MGAT4A: variants seen among roughly 807,000 people sequenced by gnomAD.
MGAT4A encodes alpha-1,3-mannosyl-glycoprotein 4-beta-N-acetylglucosaminyltransferase A.
In MGAT4A, 33 loss-of-function variants were observed where a neutral mutation model predicts 74.1. That is an observed-to-expected ratio of 0.45 (90% CI 0.34 to 0.60). The LOEUF is 0.60. MGAT4A is among the 20% of genes least tolerant of loss of function. The pLI is 0.02. For synonymous variants in MGAT4A, 198 were observed against 210.4 expected (o/e 0.94, Z 0.51); for missense variants, 479 against 628.3 (o/e 0.76, Z 2.54).
At chr2:98,706,233 T>C (rs1334566121) in intron 2 of MGAT4A, among the ~76,000 whole-genome samples, 1 of 152,118 alleles carries the variant, frequency 6.6e-6, no homozygotes, top group African/African-American at 2.4e-5. Context: ...CCAGTTTGGA[T>C]GAATTTGGAC....
At chr2:98,663,582 C>T in intron 4 of MGAT4A, 1 of 728,868 alleles carries the variant, frequency 1.4e-6, no homozygotes. Context: ...TTGTTCTTGC[C>T]AACAATGCAT....
intron 2 of MGAT4A, among the ~76,000 whole-genome samples, chr2:98,698,572 T>C (rs1008527135): frequency 2.0e-5 from 3 of 152,214 alleles, no homozygotes; most frequent in Non-Finnish European, 2.9e-5. Context: ...CTGTTACCCA[T>C]GCCTTTTCAT....
In MGAT4A at chr2:98,675,551, C is replaced by CTTT. The variant is rs143576109; in HGVS notation, c.263-379_263-377dup. Reference sequence around the variant, plus strand: ...ATTAACCATCAATCACTTCCATTTTCTTTTTTTTTTTTTGTGACAGGGTCT... The same window carrying CTTT: ...ATTAACCATCAATCACTTCCATTTTCTTTTTTTTTTTTTTTTGTGACAGGGTCT... On this transcript the variant is annotated intron_variant, in intron 3 of 15. Coordinates refer to ENST00000393487, the MANE Select transcript of MGAT4A (RefSeq NM_012214.3). Among the ~76,000 whole-genome samples, 346 of 144,162 alleles carry CTTT rather than the reference C, an allele frequency of 2.4e-3. 4 individuals are homozygous for CTTT. The highest frequency in any genetic ancestry group is 4.1e-3 in the Non-Finnish European group (270 of 65,812). 94.6% of individuals were successfully genotyped at this position (144,162 alleles called of 152,430 possible). A position where few individuals can be genotyped will look rare whatever the true frequency, so the allele number is the denominator to read the frequency against.
Position 98,726,575 on chromosome 2 carries a change from G to A in MGAT4A, c.-235-8C>T. 2.4e-6 allele frequency: 1 copy of A among 410,074 alleles called. No individual in the cohort carries two copies. Among genetic ancestry groups the A allele is most frequent in the Non-Finnish European group, 4.3e-6 (1 of 232,464 alleles). The allele number at this position is 410,074 out of a possible 1,614,324, so 25.4% of individuals were successfully genotyped here. ...CCTCGGCCTTTTCCCTTCCTATTCA[G>A]GGGAAAAGAGAAAGTCAAGCTCATT... is the stretch of plus-strand genomic sequence containing the variant. On this transcript the variant is annotated splice_polypyrimidine_tract_variant and splice_region_variant and intron_variant, in intron 1 of 15. Transcript: ENST00000393487.
chr2:98,640,420 G>A (rs191528708), intron 10 of MGAT4A, among the ~76,000 whole-genome samples, 192 bp from the exon 11 acceptor site: 86 of 152,212 alleles, frequency 5.7e-4, no homozygotes, highest in Non-Finnish European at 1.0e-3. Context: ...GACCAGTCTG[G>A]CCAACATGGT....
intron 2 of MGAT4A, among the ~76,000 whole-genome samples, chr2:98,703,375 A>AAAACTGAAC (rs1307644834): frequency 6.6e-6 from 1 of 152,176 alleles, no homozygotes; most frequent in African/African-American, 2.4e-5. Context: ...AAGATTGAGG[A>AAAACTGAAC]AAACTGAACA....
At chr2:98,701,450 A>C (rs1039382958) in intron 2 of MGAT4A, among the ~76,000 whole-genome samples, 1 of 152,186 alleles carries the variant, frequency 6.6e-6, no homozygotes, top group Non-Finnish European at 1.5e-5. Flanking sequence ...GTAATAACCC[A>C]ATGTTCTCAG....
intron 2 of MGAT4A, among the ~76,000 whole-genome samples, chr2:98,718,267 T>C (rs547881608): frequency 1.1e-4 from 17 of 152,222 alleles, no homozygotes; most frequent in Admixed American, 2.6e-4. Flanking sequence ...GTGCATCTAA[T>C]GGTGTATTAA....
At chr2:98,638,297 C>A (rs1701353728) in intron 12 of MGAT4A, among the ~76,000 whole-genome samples, 2 of 152,140 alleles carry the variant, frequency 1.3e-5, no homozygotes, top group African/African-American at 2.4e-5. Flanking sequence ...TCTATACTCT[C>A]TATATAGAAT....
intron 5 of MGAT4A, among the ~76,000 whole-genome samples, chr2:98,659,404 G>C (rs1701711144): frequency 6.6e-6 from 1 of 152,112 alleles, no homozygotes; most frequent in African/African-American, 2.4e-5. Context: ...AAGGACCCCA[G>C]GAAGCCCAAG....
At position 98,658,281 on chromosome 2, in the gene MGAT4A, ATG is replaced by A. The variant is rs781168914; in HGVS notation, c.538-19_538-18del. The A allele has an allele frequency of 6.7e-7, 1 of 1,482,892 alleles. No homozygotes were observed. The highest frequency in any genetic ancestry group is 9.2e-7 in the Non-Finnish European group (1 of 1,086,146). 91.9% of individuals were successfully genotyped at this position (1,482,892 alleles called of 1,614,324 possible). ...AATATCTGTCTGGGAAAGAAAAAAA[ATG>A]TATCTATATTCAAGTTTTTATATTT... On this transcript the variant is annotated intron_variant, in intron 5 of 15. Coordinates refer to ENST00000393487, the MANE Select transcript of MGAT4A (RefSeq NM_012214.3).
intron 2 of MGAT4A, among the ~76,000 whole-genome samples, chr2:98,723,297 C>G (rs1702706620): frequency 6.6e-6 from 1 of 152,326 alleles, no homozygotes; most frequent in South Asian, 2.1e-4. Context: ...CTTGCGCCAG[C>G]AGCATGCGCC....
At chr2:98,709,185 A>G (rs1219841741) in intron 2 of MGAT4A, among the ~76,000 whole-genome samples, 1 of 152,158 alleles carries the variant, frequency 6.6e-6, no homozygotes, top group Non-Finnish European at 1.5e-5. Context: ...ACTAAATGAG[A>G]CCACGGAGAA....
chr2:98,649,181 G>C (rs1514914), intron 8 of MGAT4A, among the ~76,000 whole-genome samples: 65,958 of 152,118 alleles, frequency 0.43, 14,841 homozygotes, highest in East Asian at 0.54. Flanking sequence ...TGTATTTACT[G>C]GCATAGCAAG....
intron 2 of MGAT4A, among the ~76,000 whole-genome samples, chr2:98,715,151 C>A (rs1163043975): frequency 1.3e-5 from 2 of 151,634 alleles, no homozygotes; most frequent in African/African-American, 4.8e-5. Flanking sequence ...CCCATCTCTA[C>A]TAAAAATACA....
chr2:98,725,918 T>A, intron 2 of MGAT4A: 1 of 397,768 alleles, frequency 2.5e-6, no homozygotes, highest in Admixed American at 4.1e-5. Context: ...CACTTAATTA[T>A]GTTTAGTAAA....
At chr2:98,727,053 A>G (rs1702774969) in intron 1 of MGAT4A, among the ~76,000 whole-genome samples, 2 of 152,202 alleles carry the variant, frequency 1.3e-5, no homozygotes, top group African/African-American at 4.8e-5. Context: ...CATGCCACTT[A>G]TCTAGGTCTC....
chr2:98,650,749 G>A (rs530576772), intron 8 of MGAT4A, among the ~76,000 whole-genome samples: 13 of 152,230 alleles, frequency 8.5e-5, no homozygotes, highest in African/African-American at 2.2e-4. Context: ...TCAGGAGTTC[G>A]CGACCAGCCT....
intron 2 of MGAT4A, among the ~76,000 whole-genome samples, chr2:98,720,321 G>A (rs535362351): frequency 2.0e-5 from 3 of 152,188 alleles, no homozygotes; most frequent in East Asian, 1.9e-4. Flanking sequence ...GGTGGGTATC[G>A]TCCAATCTAC....
Sources: allele counts gnomAD v4.1 joint callset (sites outside exome capture counted in the v4.1 genomes callset), GRCh38; gene constraint gnomAD v4.1.1; transcripts MANE v1.5; gene names NCBI Gene and HGNC (gene_info 2026-07-23, HGNC 2026-07-21).